Variants in KIF27 observed in about 807,000 individuals in gnomAD.
KIF27 encodes the protein kinesin family member 27, also known as kinesin-like protein KIF27.
Under a neutral mutation model 141.8 loss-of-function variants are expected in KIF27, and 84 were observed. The ratio of observed to expected loss-of-function variants is 0.59; its 90% CI spans 0.50 to 0.71. KIF27 has a LOEUF of 0.71. Among genes scored for constraint, KIF27 ranks in the 30% least tolerant of loss-of-function variants. KIF27 has a pLI of 0.00. For synonymous variants in KIF27, 471 were observed against 569.5 expected (o/e 0.83, Z 2.46); for missense variants, 1,306 against 1,628.4 (o/e 0.80, Z 3.41).
intron 11 of KIF27, among the ~76,000 whole-genome samples, chr9:83,877,252 A>G (rs542541072): frequency 5.3e-5 from 8 of 152,230 alleles, no homozygotes; most frequent in Admixed American, 2.0e-4. Flanking sequence ...CCAGTATACA[A>G]TAGTCATCAT....
At position 83,915,743 on chromosome 9, in the gene KIF27, C is replaced by T. The variant is rs987940429; in HGVS notation, c.-87-65G>A. ...TCCTTGTATCCCAATAAACTAACCA[C>T]CTTCTAAAGCAAAGTCAATTAGAAC... On this transcript the variant is annotated intron_variant, in intron 1 of 17. Transcript: ENST00000297814. 2.6e-5 allele frequency: 17 copies of T among 663,670 alleles called. 1 individual carries two copies. The South Asian group carries it at 3.0e-4, about 12-fold the overall frequency. 41.1% of individuals were successfully genotyped at this position (663,670 alleles called of 1,614,324 possible). A position where few individuals can be genotyped will look rare whatever the true frequency, so the allele number is the denominator to read the frequency against.
intron 6 of KIF27, among the ~76,000 whole-genome samples, chr9:83,890,513 G>A (rs1952574980): frequency 1.3e-5 from 2 of 152,048 alleles, no homozygotes; most frequent in African/African-American, 4.8e-5. Context: ...TCATTCTCTG[G>A]GATTGTAATT....
At chr9:83,906,924 A>T (rs576283338) in intron 3 of KIF27, among the ~76,000 whole-genome samples, 40 of 152,176 alleles carry the variant, frequency 2.6e-4, no homozygotes, top group Middle Eastern at 6.8e-3. Context: ...ATATGTGAAA[A>T]TATTCAAAAT....
intron 3 of KIF27, among the ~76,000 whole-genome samples, chr9:83,907,772 C>T (rs1236519287): frequency 2.0e-5 from 3 of 152,146 alleles, no homozygotes; most frequent in African/African-American, 7.2e-5. Flanking sequence ...TTGATAAACA[C>T]TTAAAGCAAA....
intron 11 of KIF27, among the ~76,000 whole-genome samples, chr9:83,877,975 T>G (rs1402028637): frequency 6.6e-6 from 1 of 151,704 alleles, no homozygotes; most frequent in African/African-American, 2.4e-5. Flanking sequence ...CCATCCTGGC[T>G]AACACAGTGA....
intron 16 of KIF27, chr9:83,849,420 G>A (rs1948272932): frequency 6.6e-6 from 1 of 152,290 alleles, no homozygotes; most frequent in South Asian, 2.1e-4. Flanking sequence ...ATGGATTCAT[G>A]AGAATCAAGA....
intron 12 of KIF27, among the ~76,000 whole-genome samples, chr9:83,868,809 T>C (rs1455513436): frequency 6.6e-6 from 1 of 152,178 alleles, no homozygotes; most frequent in Non-Finnish European, 1.5e-5. Context: ...AGAAGATGCA[T>C]AGCTATTCGG....
At chr9:83,893,063 C>T (rs1472998814) in intron 5 of KIF27, among the ~76,000 whole-genome samples, 1 of 152,112 alleles carries the variant, frequency 6.6e-6, no homozygotes, top group East Asian at 1.9e-4. Flanking sequence ...GGTGAAGAAC[C>T]CCTTCTCTAC....
At chr9:83,914,687 CA>C (rs1955518868) in intron 2 of KIF27, among the ~76,000 whole-genome samples, 1 of 152,094 alleles carries the variant, frequency 6.6e-6, no homozygotes, top group Non-Finnish European at 1.5e-5. Context: ...AATATAAATA[CA>C]GTAAACAATC....
intron 8 of KIF27, among the ~76,000 whole-genome samples, 172 bp from the exon 9 acceptor site, chr9:83,887,368 C>T (rs543324246): frequency 9.2e-5 from 14 of 152,254 alleles, no homozygotes; most frequent in African/African-American, 3.1e-4. Context: ...CTCTAGCATT[C>T]CAGCTTACAG....
intron 14 of KIF27, among the ~76,000 whole-genome samples, chr9:83,857,676 G>C (rs1407587573): frequency 6.6e-6 from 1 of 152,116 alleles, no homozygotes; most frequent in Non-Finnish European, 1.5e-5. Flanking sequence ...TCTCATCTCT[G>C]TGCCTTCTTC....
At chr9:83,850,389 T>G in intron 15 of KIF27, 92 bp from the exon 16 acceptor site, 1 of 750,120 alleles carries the variant, frequency 1.3e-6, no homozygotes, top group Non-Finnish European at 2.2e-6. Flanking sequence ...ATGAACTTCC[T>G]TAATCTCCAT....
chr9:83,867,190 C>G (rs564378530), intron 13 of KIF27, among the ~76,000 whole-genome samples: 1 of 152,182 alleles, frequency 6.6e-6, no homozygotes, highest in South Asian at 2.1e-4. Flanking sequence ...GTACTTCATT[C>G]CCTTCTATTG....
intron 5 of KIF27, among the ~76,000 whole-genome samples, chr9:83,896,000 C>T (rs191484813): frequency 2.2e-3 from 306 of 140,010 alleles, no homozygotes; most frequent in Non-Finnish European, 3.5e-3. Flanking sequence ...TACAGTGAGC[C>T]GAGATCATGC....
rs1945624767 is a variant in KIF27 at position 83,834,797 on chromosome 9, ATACAAGTGTATC to A, written c.*2192_*2203del. ...TATATATATCTATATCTATGTATAT[ATACAAGTGTATC>A]TATATATACATTATAGCTATATAAT... On this transcript the variant is annotated 3_prime_UTR_variant, in exon 18 of 18. Coordinates refer to ENST00000297814, the MANE Select transcript of KIF27 (RefSeq NM_017576.4). Among the ~76,000 whole-genome samples, 1 of 150,424 alleles carries A rather than the reference ATACAAGTGTATC, an allele frequency of 6.6e-6. No individual in the cohort carries two copies. The highest frequency in any genetic ancestry group is 2.4e-5 in the African/African-American group (1 of 41,122).
chr9:83,879,178 CAA>C (rs576630144), intron 11 of KIF27, among the ~76,000 whole-genome samples: 12 of 98,954 alleles, frequency 1.2e-4, no homozygotes, highest in Non-Finnish European at 1.5e-4. Context: ...AACTCCATCT[CAA>C]AAAAAAAAAA....
Position 83,902,988 on chromosome 9 carries a change from A to AC in KIF27, c.1458+71dup. The AC allele has an allele frequency of 4.4e-6, 4 of 907,658 alleles. No homozygotes were observed. The South Asian group carries it at 6.0e-5, about 14-fold the overall frequency. The allele number at this position is 907,658 out of a possible 1,614,324, so 56.2% of individuals were successfully genotyped here. On this transcript the variant is annotated intron_variant, in intron 4 of 17. Coordinates refer to ENST00000297814, the MANE Select transcript of KIF27 (RefSeq NM_017576.4). ...AATGTCTAAATATGTTAACACATGT[A>AC]CCCCCAAAATATGTACATCTATTAT...
intron 14 of KIF27, among the ~76,000 whole-genome samples, chr9:83,854,670 G>A (rs1268576975): frequency 6.6e-6 from 1 of 152,068 alleles, no homozygotes; most frequent in Non-Finnish European, 1.5e-5. Context: ...TGAGTAGCTG[G>A]GACTACAGGC....
At chr9:83,910,977 G>A (rs2132718467) in intron 2 of KIF27, among the ~76,000 whole-genome samples, 1 of 152,090 alleles carries the variant, frequency 6.6e-6, no homozygotes, top group Middle Eastern at 3.4e-3. Context: ...GTTGGAAAAA[G>A]GAATGAAGTT....
Sources: gnomAD v4.1 joint callset for allele counts (sites outside exome capture counted in the v4.1 genomes callset) on GRCh38, gnomAD v4.1.1 for gene constraint, MANE v1.5 for transcripts, NCBI Gene and HGNC (gene_info 2026-07-23, HGNC 2026-07-21) for gene names.